Variants in PODNL1 observed in about 807,000 individuals in gnomAD.
The protein encoded by PODNL1 is podocan-like protein 1.
PODNL1 carries 50 observed loss-of-function variants against 45.1 expected under a neutral mutation model. That is an observed-to-expected ratio of 1.11 (90% CI 0.88 to 1.40). PODNL1 has a LOEUF of 1.40. Among genes scored for constraint, PODNL1 ranks in the 40% most tolerant of loss-of-function variants. The pLI is 0.00. For missense variants in PODNL1, 788 were observed against 793.3 expected, an observed-to-expected ratio of 0.99 and a Z score of 0.08; for synonymous variants, 406 against 372.5, an observed-to-expected ratio of 1.09 and a Z score of -1.04.
chr19:13,953,337 C>T (rs978933367), exon 1 of PODNL1: 6 of 544,780 alleles, frequency 1.1e-5, no homozygotes, highest in African/African-American at 8.0e-5. Context: ...AAGGCTGTGT[C>T]TCTGTGGACA....
intron 1 of PODNL1, among the ~76,000 whole-genome samples, chr19:13,951,922 G>A (rs921094838): frequency 6.6e-6 from 1 of 152,234 alleles, no homozygotes; most frequent in African/African-American, 2.4e-5. Context: ...TGTCACATGT[G>A]GAGCGATCCA....
chr19:13,950,165 G>T (rs886226524), intron 1 of PODNL1, among the ~76,000 whole-genome samples: 6 of 150,178 alleles, frequency 4.0e-5, no homozygotes, highest in Admixed American at 4.0e-4. Context: ...ACCATGCCTG[G>T]CCTTGTTTTG....
chr19:13,938,476 T>C (rs181906516), upstream of PODNL1: 255 of 1,238,146 alleles, frequency 2.1e-4, 1 homozygote, highest in East Asian at 7.5e-3. Flanking sequence ...TCAGCCAGCC[T>C]GGGCCGGGCC....
intron 1 of PODNL1, among the ~76,000 whole-genome samples, chr19:13,946,007 C>A (rs1472326040): frequency 1.3e-5 from 2 of 151,790 alleles, no homozygotes. Flanking sequence ...CACTGCACTC[C>A]AACTTGGGCA....
At chr19:13,937,733 TC>T in intron 2 of PODNL1, 51 bp downstream of exon 2, 1 of 1,507,992 alleles carries the variant, frequency 6.6e-7, no homozygotes, top group East Asian at 2.5e-5. Context: ...CCAGCTCCCC[TC>T]ACCACTGGGT....
chr19:13,936,502 G>A (rs1054112716), intron 2 of PODNL1, 42 bp from the exon 3 acceptor site: 4 of 1,507,446 alleles, frequency 2.7e-6, no homozygotes, highest in Admixed American at 1.7e-5. Context: ...GTGACCCCGT[G>A]ACCAAGTGAC....
chr19:13,932,853 C>G lies in PODNL1; in HGVS notation c.1370G>C (p.Arg457Pro), dbSNP rs752993886. The G allele has an allele frequency of 6.2e-7, 1 of 1,611,794 alleles. No homozygotes were observed. Among genetic ancestry groups the G allele is most frequent in the Non-Finnish European group, 8.5e-7 (1 of 1,179,552 alleles). The change falls in exon 8 of 10, where the codon CGG becomes CCG. Residue 457 changes from arginine to proline, a missense_variant. By Grantham distance (103) the Arg-to-Pro change is moderately radical. Transcript: ENST00000588872. ...TGGCCCGATGTCGCCGACCCGGAGC[C>G]GGTTGTGCGCCAGGCTGAGCTCCCG... Reference protein sequence around the residue: ...QLRELSLAHNRLRVGDIGPGT... With the variant: ...QLRELSLAHNPLRVGDIGPGT...
chr19:13,934,269 C>A lies in PODNL1; in HGVS notation c.636G>T (p.Glu212Asp). 1 of 1,516,542 alleles carries A rather than the reference C, an allele frequency of 6.6e-7. No homozygotes were observed. The highest frequency in any genetic ancestry group is 8.8e-7 in the Non-Finnish European group (1 of 1,134,756). 93.9% of individuals were successfully genotyped at this position (1,516,542 alleles called of 1,614,324 possible). The part of the protein sequence containing the change: ...YLPPSLPPSL[E>D]RLHLQNNLIS... ...GCAGGGCTACCTGCAGGTGGAGCCG[C>A]TCGAGTGAGGGCGGCAGGCTGGGCG... The change falls in exon 6 of 10, where the codon GAG becomes GAT. Residue 212 changes from glutamate (E) to aspartate (D), a missense_variant. Around this residue, in one of 3 missense-constraint regions of PODNL1, gnomAD observed 762 missense variants for 750.9 expected, o/e 1.01. Transcript: ENST00000588872.
intron 1 of PODNL1, among the ~76,000 whole-genome samples, chr19:13,948,362 G>A (rs548778978): frequency 1.3e-3 from 177 of 136,488 alleles, no homozygotes; most frequent in African/African-American, 5.2e-3. Context: ...CACCACGCCC[G>A]GCTAATTTTT....
chr19:13,936,486 A>G, intron 2 of PODNL1, 26 bp from the exon 3 acceptor site: 2 of 1,578,736 alleles, frequency 1.3e-6, no homozygotes, highest in Non-Finnish European at 1.7e-6. Flanking sequence ...TGGGGTGTTC[A>G]CACCCGTGAC....
chr19:13,931,861 A>T lies in PODNL1; in HGVS notation c.1601T>A (p.Ile534Asn). ...LRANRLHMTS[I>N]AAEAFLGLPN... is the part of the protein sequence containing the mutation. ...GAGCCCCAGGAAGGCCTCAGCCGCGATGCTCGTCATGTGAAGCCTGTTGGC... is the reference window on the plus strand; with the variant it reads ...GAGCCCCAGGAAGGCCTCAGCCGCGTTGCTCGTCATGTGAAGCCTGTTGGC... Residue 534 changes from isoleucine to asparagine, a missense_variant, in exon 10 of 10, where the codon ATC becomes AAC. Transcript: ENST00000588872. 1.6e-6 allele frequency: 2 copies of T among 1,231,976 alleles called. No individual in the cohort carries two copies. Among genetic ancestry groups the T allele is most frequent in the Non-Finnish European group, 2.0e-6 (2 of 987,936 alleles). 76.3% of individuals were successfully genotyped at this position (1,231,976 alleles called of 1,614,324 possible).
chr19:13,943,602 A>C (rs8107065), intron 1 of PODNL1, among the ~76,000 whole-genome samples: 8,127 of 152,026 alleles, frequency 0.053, 674 homozygotes, highest in African/African-American at 0.18. Context: ...GCTGGGACTA[A>C]AGGTGCATGC....
At position 13,932,042 on chromosome 19, in the gene PODNL1, T is replaced by G; in HGVS notation, c.1496A>C (p.His499Pro). The G allele has an allele frequency of 8.1e-7, 1 of 1,232,302 alleles. No individual in the cohort carries two copies. Among genetic ancestry groups the G allele is most frequent in the Non-Finnish European group, 1.0e-6 (1 of 988,134 alleles). The allele number at this position is 1,232,302 out of a possible 1,614,324, so 76.3% of individuals were successfully genotyped here. A position where few individuals can be genotyped will look rare whatever the true frequency, so the allele number is the denominator to read the frequency against. Residue 499 changes from histidine to proline, a missense_variant, in exon 9 of 10, where the codon CAC (histidine) becomes CCC (proline). His to Pro is a moderately conservative substitution (Grantham distance 77, BLOSUM62 -2). Coordinates refer to ENST00000588872, the MANE Select transcript of PODNL1 (RefSeq NM_001370095.3). ...PDLPEALEEL[H>P]LEGNRIGHVG... ...GTGGCCGATGCGGTTGCCCTCGAGG[T>G]GCAGCTCCTCTAGGGCCTCAGGCAG...
intron 6 of PODNL1, 125 bp downstream of exon 6, chr19:13,934,129 G>A: frequency 7.3e-7 from 1 of 1,363,596 alleles, no homozygotes; most frequent in Non-Finnish European, 1.0e-6. Context: ...ATTCAAAGAA[G>A]GATAACTCTG....
chr19:13,947,342 C>A (rs1224097048), intron 1 of PODNL1, among the ~76,000 whole-genome samples: 1 of 151,526 alleles, frequency 6.6e-6, no homozygotes, highest in African/African-American at 2.4e-5. Flanking sequence ...TTAGCTGGGC[C>A]TGGTGGTGCA....
chr19:13,932,367 CTT>C (rs940156745), intron 8 of PODNL1: 2 of 485,894 alleles, frequency 4.1e-6, no homozygotes, highest in Non-Finnish European at 6.8e-6. Context: ...TCTTTCATCA[CTT>C]TTTTTTTCAA....
In PODNL1 at chr19:13,952,982, C is replaced by T. The variant is rs764239927; in HGVS notation, c.18+137G>A. ...GGGGCGATCCAGGCTTTTCAAAGCTCTGCTCCCATGGTTGCTCCATAATGG... is the reference window on the plus strand; with the variant it reads ...GGGGCGATCCAGGCTTTTCAAAGCTTTGCTCCCATGGTTGCTCCATAATGG... On this transcript the variant is annotated intron_variant, in intron 1 of 7. Transcript: ENST00000538371. 3.7e-6 allele frequency: 4 copies of T among 1,079,704 alleles called. No individual in the cohort carries two copies. The East Asian group carries it at 1.1e-4, about 30-fold the overall frequency. 66.9% of individuals were successfully genotyped at this position (1,079,704 alleles called of 1,614,324 possible).
At chr19:13,948,563 C>A (rs1231188323) in intron 1 of PODNL1, among the ~76,000 whole-genome samples, 1 of 151,112 alleles carries the variant, frequency 6.6e-6, no homozygotes, top group Non-Finnish European at 1.5e-5. Context: ...CATCACCTAC[C>A]CTCCTGGCTC....
intron 1 of PODNL1, chr19:13,953,106 G>C (rs540883342): frequency 1.3e-6 from 2 of 1,550,492 alleles, no homozygotes; most frequent in Non-Finnish European, 1.7e-6. Flanking sequence ...ACATGAGCTG[G>C]GAGTTCCAGT....
Sources: allele counts gnomAD v4.1 joint callset (sites outside exome capture counted in the v4.1 genomes callset), GRCh38; gene constraint gnomAD v4.1.1; regional missense constraint gnomAD v4.1.1; transcripts MANE v1.5; gene names NCBI Gene and HGNC (gene_info 2026-07-23, HGNC 2026-07-21).